The following ING5 variants were observed in gnomAD, a reference collection of about 807,000 sequenced individuals.
The protein encoded by ING5 is inhibitor of growth protein 5.
ING5 carries 17 observed loss-of-function variants against 37.4 expected under a neutral mutation model. The observed-to-expected ratio is 0.45, with a 90% CI of 0.31 to 0.68. The LOEUF (loss-of-function observed/expected upper bound fraction) is 0.68, where lower values mean the gene tolerates loss of function less well. ING5 is among the 30% of genes least tolerant of loss of function. The pLI is 0.05. For synonymous variants in ING5, 123 were observed against 116.6 expected, an observed-to-expected ratio of 1.06 and a Z score of -0.36; for missense variants, 233 against 311.9, an observed-to-expected ratio of 0.75 and a Z score of 1.91.
chr2:241,708,779 T>C (rs530760330), intron 2 of ING5, among the ~76,000 whole-genome samples: 23 of 152,178 alleles, frequency 1.5e-4, no homozygotes, highest in Admixed American at 9.2e-4. Context: ...CTCTTATGAA[T>C]GTTTCCCGTG....
At chr2:241,697,304 G>A (rs28891682), upstream of ING5, among the ~76,000 whole-genome samples, 3 of 149,424 alleles carry the variant, frequency 2.0e-5, no homozygotes, top group Non-Finnish European at 3.0e-5. Context: ...GCGTGGTGTC[G>A]GGCGCCTGTA....
At chr2:241,693,010 C>T (rs2069576811) in intron 2 of ING5, among the ~76,000 whole-genome samples, 1 of 152,112 alleles carries the variant, frequency 6.6e-6, no homozygotes, top group Admixed American at 6.6e-5. Flanking sequence ...CCTGTAATCT[C>T]AGCACTTTGG....
At chr2:241,690,642 G>A (rs1393199549) in exon 2 of ING5, 1 of 398,494 alleles carries the variant, frequency 2.5e-6, no homozygotes, top group Non-Finnish European at 4.4e-6. Context: ...CGAGACTCTG[G>A]AGGCCTGATA....
exon 1 of ING5, chr2:241,687,998 C>A (rs954392193): frequency 1.3e-5 from 2 of 152,206 alleles, no homozygotes; most frequent in African/African-American, 4.8e-5. Flanking sequence ...TCCCCGGTAT[C>A]TAGAAAGCGC....
chr2:241,709,557 T>C (rs2070040199), intron 3 of ING5, among the ~76,000 whole-genome samples, 175 bp downstream of exon 3: 1 of 147,872 alleles, frequency 6.8e-6, no homozygotes, highest in African/African-American at 2.5e-5. Flanking sequence ...CCATCCCTGT[T>C]TTTTTTTTTT....
intron 2 of ING5, chr2:241,694,008 T>C (rs62191305): frequency 0.33 from 49,398 of 151,398 alleles, 9,068 homozygotes; most frequent in Middle Eastern, 0.42. Flanking sequence ...TTTGCCAGTT[T>C]TGTGTGTGTG....
At chr2:241,704,913 G>C (rs1470867855) in intron 2 of ING5, among the ~76,000 whole-genome samples, 189 bp downstream of exon 2, 2 of 152,110 alleles carry the variant, frequency 1.3e-5, no homozygotes, top group African/African-American at 4.8e-5. Flanking sequence ...ATTGTTTCTT[G>C]GGTTCTTACA....
At chr2:241,707,349 G>A (rs1289171065) in intron 2 of ING5, among the ~76,000 whole-genome samples, 1 of 151,624 alleles carries the variant, frequency 6.6e-6, no homozygotes, top group African/African-American at 2.4e-5. Context: ...GGAGTGCAAT[G>A]GCACGATCTC....
exon 2 of ING5, chr2:241,690,445 T>C: frequency 5.1e-6 from 2 of 393,414 alleles, no homozygotes; most frequent in Non-Finnish European, 9.0e-6. Context: ...ATCCTAGCAG[T>C]TCTCTTGGTG....
chr2:241,717,696 CTT>C (rs371435124), intron 5 of ING5, among the ~76,000 whole-genome samples: 31 of 134,426 alleles, frequency 2.3e-4, no homozygotes, highest in Admixed American at 2.2e-4. Flanking sequence ...TTGGTGGTTT[CTT>C]TTTTTTTTTT....
At chr2:241,724,277 G>C (rs34930012) in intron 7 of ING5, among the ~76,000 whole-genome samples, 54,238 of 152,060 alleles carry the variant, frequency 0.36, 10,022 homozygotes, top group South Asian at 0.49. Flanking sequence ...GTCAACACAG[G>C]CTGTCCTGTC....
Position 241,711,343 on chromosome 2 carries a change from A to G in ING5, c.277-34A>G, listed in dbSNP as rs201301374. 5,582 of 1,426,292 alleles carry G rather than the reference A, an allele frequency of 3.9e-3. 18 individuals carry two copies. The highest frequency in any genetic ancestry group is 4.9e-3 in the Non-Finnish European group (5,252 of 1,073,792). 88.4% of individuals were successfully genotyped at this position (1,426,292 alleles called of 1,614,324 possible). A position where few individuals can be genotyped will look rare whatever the true frequency, so the allele number is the denominator to read the frequency against. On this transcript the variant is annotated intron_variant, in intron 3 of 7. Transcript: ENST00000313552. ...CGTGATTCTGAGGTGTTTTGGTTTT[A>G]CTTTAAAATAAGACTTTGGGTATCC... is the stretch of plus-strand genomic sequence containing the variant.
At position 241,706,956 on chromosome 2, in the gene ING5, ATTTT is replaced by A. The variant is rs35471600; in HGVS notation, c.110-2243_110-2240del. 6.3e-4 allele frequency among the ~76,000 whole-genome samples: 76 copies of A among 120,752 alleles called. 1 individual carries two copies. The highest frequency in any genetic ancestry group is 2.3e-3 in the African/African-American group (72 of 31,878). 79.2% of individuals were successfully genotyped at this position (120,752 alleles called of 152,430 possible). ...CATGATAATGTGTTTTGGTGTGGCA[ATTTT>A]TTTTTTTTTTTTTTTTGAGATGGAG... On this transcript the variant is annotated intron_variant, in intron 2 of 7. Transcript: ENST00000313552.
chr2:241,706,040 A>G (rs1575124115), intron 2 of ING5, among the ~76,000 whole-genome samples: 1 of 151,940 alleles, frequency 6.6e-6, no homozygotes, highest in South Asian at 2.1e-4. Context: ...TGTTTTCTGC[A>G]TTCGACCCTT....
chr2:241,725,099 C>T lies in ING5; in HGVS notation c.*68C>T. On this transcript the variant is annotated 3_prime_UTR_variant, in exon 8 of 8. Coordinates refer to ENST00000313552, the MANE Select transcript of ING5 (RefSeq NM_032329.6). ...CCTTCATTCGTGTCGCAATATTTCC[C>T]TTCCTTTTAAAACTACCTTGTTCGG... 2 of 1,532,708 alleles carry T rather than the reference C, an allele frequency of 1.3e-6. No homozygotes were observed. The highest frequency in any genetic ancestry group is 2.2e-5 in the East Asian group (1 of 44,460). 94.9% of individuals were successfully genotyped at this position (1,532,708 alleles called of 1,614,324 possible).
intron 4 of ING5, 129 bp downstream of exon 4, chr2:241,711,617 C>T: frequency 2.8e-6 from 2 of 726,028 alleles, no homozygotes; most frequent in Admixed American, 3.3e-5. Context: ...CCTTGTCTTG[C>T]AGGCTGGGTG....
At chr2:241,691,044 G>A (rs2124847917) in intron 2 of ING5, among the ~76,000 whole-genome samples, 1 of 151,372 alleles carries the variant, frequency 6.6e-6, no homozygotes, top group Admixed American at 6.6e-5. Context: ...CCTGACCTCA[G>A]GTGAGTCCAC....
chr2:241,706,497 C>T lies in ING5; in HGVS notation c.109+1773C>T, dbSNP rs199679023. Reference sequence around the variant, plus strand: ...ATACAAAATTAGCCGGGTGTGGTGGCGCACGCCTATAATCCCAGCTAATTG... The same window carrying T: ...ATACAAAATTAGCCGGGTGTGGTGGTGCACGCCTATAATCCCAGCTAATTG... On this transcript the variant is annotated intron_variant, in intron 2 of 7. Coordinates refer to ENST00000313552, the MANE Select transcript of ING5 (RefSeq NM_032329.6). Among the ~76,000 whole-genome samples, 31 of 151,970 alleles carry T rather than the reference C, an allele frequency of 2.0e-4. No individual in the cohort carries two copies. In the East Asian group the frequency reaches 2.9e-3, roughly 14 times the overall value.
At chr2:241,722,898 C>T (rs1331969322) in intron 5 of ING5, 41 bp from the exon 6 acceptor site, 1 of 1,610,224 alleles carries the variant, frequency 6.2e-7, no homozygotes, top group Non-Finnish European at 8.5e-7. Flanking sequence ...CCTCACTTCC[C>T]ACCATGGCCT....
Sources: allele counts gnomAD v4.1 joint callset (sites outside exome capture counted in the v4.1 genomes callset), GRCh38; gene constraint gnomAD v4.1.1; transcripts MANE v1.5; gene names NCBI Gene and HGNC (gene_info 2026-07-23, HGNC 2026-07-21).